RPS6KA3: variants seen among roughly 807,000 people sequenced by gnomAD.
RPS6KA3 encodes the protein ribosomal protein S6 kinase A3.
Under a neutral mutation model 67.2 loss-of-function variants are expected in RPS6KA3, and 4 were observed. That is an observed-to-expected ratio of 0.06 (90% CI 0.03 to 0.14). The LOEUF is 0.14. RPS6KA3 is among the 10% of genes least tolerant of loss of function. The pLI is 1.00. For synonymous variants in RPS6KA3, 182 were observed against 183.7 expected, an observed-to-expected ratio of 0.99 and a Z score of 0.07; for missense variants, 204 against 559.0, an observed-to-expected ratio of 0.36 and a Z score of 6.40.
intron 2 of RPS6KA3, among the ~76,000 whole-genome samples, chrX:20,216,920 C>T (rs768006985): frequency 8.9e-6 from 1 of 111,901 alleles, no homozygotes; most frequent in Admixed American, 9.5e-5. Flanking sequence ...TGTTGGAAGG[C>T]CATTCAAATT....
At position 20,162,417 on chromosome X, in the gene RPS6KA3, A is replaced by T. The variant is rs780313812; in HGVS notation, c.1841+547T>A. On this transcript the variant is annotated intron_variant, in intron 19 of 21. Transcript: ENST00000379565. ...GAAAAAATCAATTTAGGACCTCGAG[A>T]CATTAATAAATAGCACATTATAAAA... is the stretch of plus-strand genomic sequence containing the variant. Among the ~76,000 whole-genome samples, 5 of 110,617 alleles carry T rather than the reference A, an allele frequency of 4.5e-5. No homozygotes were observed. In the East Asian group the frequency reaches 1.1e-3, roughly 25 times the overall value.
chrX:20,191,592 G>A (rs1569219990), intron 7 of RPS6KA3, among the ~76,000 whole-genome samples: 1 of 111,204 alleles, frequency 9.0e-6, no homozygotes, highest in Non-Finnish European at 1.9e-5. Context: ...ATCTCATTGT[G>A]GTTTTGATTT....
intron 1 of RPS6KA3, among the ~76,000 whole-genome samples, chrX:20,255,819 A>G (rs1455470793): frequency 6.0e-5 from 5 of 82,897 alleles, no homozygotes; most frequent in South Asian, 6.4e-4. Context: ...AAAAAAAAAA[A>G]GGAATTAGGC....
intron 15 of RPS6KA3, among the ~76,000 whole-genome samples, chrX:20,172,386 G>T (rs1424038563): frequency 8.9e-6 from 1 of 111,764 alleles, no homozygotes; most frequent in Non-Finnish European, 1.9e-5. Context: ...TGAACTTTTT[G>T]CCAGAGAAGA....
intron 1 of RPS6KA3, among the ~76,000 whole-genome samples, chrX:20,242,600 C>T (rs2069579951): frequency 9.0e-6 from 1 of 111,502 alleles, no homozygotes; most frequent in South Asian, 3.7e-4. Flanking sequence ...AAAAAAACCT[C>T]ACAAGAATAA....
chrX:20,205,591 C>T (rs1476549439), intron 3 of RPS6KA3, among the ~76,000 whole-genome samples: 5 of 111,884 alleles, frequency 4.5e-5, no homozygotes, highest in Non-Finnish European at 9.4e-5. Flanking sequence ...ATGCCCCACG[C>T]TTTAGCTCCT....
At chrX:20,219,596 G>GT (rs1300825735) in intron 2 of RPS6KA3, among the ~76,000 whole-genome samples, 4 of 111,177 alleles carry the variant, frequency 3.6e-5, no homozygotes, top group Non-Finnish European at 7.6e-5. Flanking sequence ...TAAAATATAA[G>GT]TTAAAAAAAA....
At chrX:20,259,300 T>A (rs1223823932) in intron 1 of RPS6KA3, among the ~76,000 whole-genome samples, 1 of 111,480 alleles carries the variant, frequency 9.0e-6, no homozygotes, top group Non-Finnish European at 1.9e-5. Context: ...ATTTTTAAAC[T>A]ACAAATATTA....
intron 2 of RPS6KA3, among the ~76,000 whole-genome samples, chrX:20,215,224 T>C (rs2068820906): frequency 9.0e-6 from 1 of 110,891 alleles, no homozygotes; most frequent in South Asian, 3.7e-4. Context: ...TGTGTGTGTG[T>C]GTGTGTGTAT....
At chrX:20,226,438 C>T (rs1023082299) in intron 2 of RPS6KA3, among the ~76,000 whole-genome samples, 3 of 111,836 alleles carry the variant, frequency 2.7e-5, no homozygotes, top group Non-Finnish European at 3.8e-5. Flanking sequence ...TTATGACTAT[C>T]CTTTTAGTCA....
chrX:20,240,985 T>C (rs1048619378), intron 1 of RPS6KA3, among the ~76,000 whole-genome samples: 1 of 111,273 alleles, frequency 9.0e-6, no homozygotes, highest in Non-Finnish European at 1.9e-5. Flanking sequence ...ATGCACTTAT[T>C]ATGTATTAAT....
At chrX:20,206,538 C>A (rs1056203739) in intron 3 of RPS6KA3, among the ~76,000 whole-genome samples, 2 of 111,962 alleles carry the variant, frequency 1.8e-5, no homozygotes, top group African/African-American at 6.5e-5. Flanking sequence ...GAATTATATG[C>A]CAGGCACTGT....
At chrX:20,161,618 A>G (rs1182905881) in intron 20 of RPS6KA3, 26 bp downstream of exon 20, 2 of 828,424 alleles carry the variant, frequency 2.4e-6, no homozygotes, top group African/African-American at 4.1e-5. Context: ...TTTTCTCAAA[A>G]TCTTATAATA....
chrX:20,258,880 G>A (rs956196392), intron 1 of RPS6KA3, among the ~76,000 whole-genome samples: 1 of 111,919 alleles, frequency 8.9e-6, no homozygotes, highest in Non-Finnish European at 1.9e-5. Context: ...GTGGAGATGT[G>A]ACTCCAGGCA....
intron 9 of RPS6KA3, among the ~76,000 whole-genome samples, chrX:20,186,709 C>A (rs142083184): frequency 0.023 from 2,556 of 111,599 alleles, 77 homozygotes; most frequent in African/African-American, 0.079. Flanking sequence ...TCTCCCACCT[C>A]AGCCTCTCAA....
At chrX:20,171,660 T>C (rs2067577248) in intron 15 of RPS6KA3, among the ~76,000 whole-genome samples, 1 of 111,673 alleles carries the variant, frequency 9.0e-6, no homozygotes, top group African/African-American at 3.3e-5. Context: ...GAGATATTTT[T>C]GAGGTTTTAG....
At chrX:20,162,943 G>A (rs1167399940) in intron 19 of RPS6KA3, 21 bp downstream of exon 19, 1 of 1,008,725 alleles carries the variant, frequency 9.9e-7, no homozygotes, top group Non-Finnish European at 1.4e-6. Context: ...TAGGTGCTTA[G>A]AACATATGGT....
Position 20,175,251 on chromosome X carries a change from C to G in RPS6KA3, c.1140G>C (p.Gln380His). ...CAACAAAACTAAACCCCCGAAAAAG[C>G]TGATGTGCATTAGCACTAGGTGGAA... ...PGIPPSANAHQLFRGFSFVAI... is the reference protein window; with the variant it reads ...PGIPPSANAHHLFRGFSFVAI... Residue 380 changes from glutamine (Q) to histidine (H), a missense_variant, in exon 14 of 22, where the codon CAG (glutamine) becomes CAC (histidine). By Grantham distance (24) the Gln-to-His change is conservative. Around this residue, in one of 4 missense-constraint regions of RPS6KA3, gnomAD observed 76 missense variants for 250.3 expected, o/e 0.30. Transcript: ENST00000379565. The G allele has an allele frequency of 8.3e-7, 1 of 1,209,080 alleles. No homozygotes were observed. The highest frequency in any genetic ancestry group is 1.1e-6 in the Non-Finnish European group (1 of 892,964).
At chrX:20,199,251 AGAG>A (rs1390408942) in intron 4 of RPS6KA3, among the ~76,000 whole-genome samples, 1 of 112,223 alleles carries the variant, frequency 8.9e-6, no homozygotes, top group African/African-American at 3.2e-5. Flanking sequence ...CAAAATATCA[AGAG>A]AAGAAGAAGG....
Sources: allele counts gnomAD v4.1 joint callset (sites outside exome capture counted in the v4.1 genomes callset), GRCh38; gene constraint gnomAD v4.1.1; regional missense constraint gnomAD v4.1.1; transcripts MANE v1.5; gene names NCBI Gene and HGNC (gene_info 2026-07-23, HGNC 2026-07-21).